The following PER3 variants were observed in gnomAD, a reference collection of about 807,000 sequenced individuals.
PER3 encodes the protein period circadian regulator 3, also known as period circadian protein homolog 3.
Under a neutral mutation model 127.2 loss-of-function variants are expected in PER3, and 107 were observed. The observed-to-expected ratio is 0.84, with a 90% CI of 0.72 to 0.99. PER3 has a LOEUF of 0.99. PER3 is among the 50% of genes least tolerant of loss of function. PER3 has a pLI of 0.00. For missense variants in PER3, 1,560 were observed against 1,525.8 expected, an observed-to-expected ratio of 1.02 and a Z score of -0.37; for synonymous variants, 618 against 585.8, an observed-to-expected ratio of 1.05 and a Z score of -0.79.
intron 5 of PER3, among the ~76,000 whole-genome samples, chr1:7,790,907 C>T (rs1406418625): frequency 6.6e-6 from 1 of 152,268 alleles, no homozygotes. Context: ...ACATCCAGGT[C>T]ATGCTGGTGC....
chr1:7,799,770 GTTGTT>G (rs1248098608), intron 7 of PER3, among the ~76,000 whole-genome samples: 2 of 151,794 alleles, frequency 1.3e-5, no homozygotes, highest in Non-Finnish European at 2.9e-5. Context: ...TTTTTTTGTT[GTTGTT>G]TTGCTTTGCT....
At chr1:7,816,651 C>T (rs1447298198) in intron 13 of PER3, among the ~76,000 whole-genome samples, 1,602 of 152,252 alleles carry the variant, frequency 0.011, 36 homozygotes, top group African/African-American at 0.036. Flanking sequence ...GTGAGAATGG[C>T]TAAGTTTTTT....
rs191148239 is a variant in PER3, at chr1:7,787,335, A to G, written c.390+499A>G. The G allele has an allele frequency of 3.5e-5, 9 of 254,976 alleles. No homozygotes were observed. In the East Asian group the frequency reaches 1.2e-3, roughly 33 times the overall value. 15.8% of individuals were successfully genotyped at this position (254,976 alleles called of 1,614,324 possible). ...ATCTCTCTTCTTGTTTGACAGAGTA[A>G]TCTTCATGTTTGGTTGATACGGTGG... On this transcript the variant is annotated intron_variant, in intron 4 of 21. Coordinates refer to ENST00000377532, the MANE Select transcript of PER3 (RefSeq NM_001377275.1).
At chr1:7,816,870 G>T (rs1032065176) in intron 13 of PER3, among the ~76,000 whole-genome samples, 2 of 152,186 alleles carry the variant, frequency 1.3e-5, no homozygotes, top group Admixed American at 6.5e-5. Flanking sequence ...ACCTGTACAT[G>T]AATATTTATT....
chr1:7,836,932 C>G (rs1389682253), intron 20 of PER3, 67 bp from the exon 21 acceptor site: 1 of 1,280,196 alleles, frequency 7.8e-7, no homozygotes, highest in Non-Finnish European at 1.1e-6. Context: ...AGTGCTATTC[C>G]TAGATGACGG....
intron 13 of PER3, among the ~76,000 whole-genome samples, chr1:7,815,422 AT>A (rs1257160535): frequency 2.4e-4 from 36 of 152,240 alleles, no homozygotes; most frequent in African/African-American, 7.5e-4. Context: ...GGGAAGCTGT[AT>A]TATTACACAA....
rs1187075026 is a variant in PER3, at chr1:7,826,753, T to C, written c.2188+43T>C. ...AATAAATGCCATTAATCTATGTAAA[T>C]GTTACAAACTGTATCTAAGGACTAG... On this transcript the variant is annotated intron_variant, in intron 17 of 21. Coordinates refer to ENST00000377532, the MANE Select transcript of PER3 (RefSeq NM_001377275.1). The surrounding 1 kb of genome is among the most constrained non-coding windows in gnomAD (Gnocchi z 4.2). 7.0e-6 allele frequency: 8 copies of C among 1,145,246 alleles called. No homozygotes were observed. The highest frequency in any genetic ancestry group is 4.9e-5 in the East Asian group (2 of 41,028). The allele number at this position is 1,145,246 out of a possible 1,614,324, so 70.9% of individuals were successfully genotyped here. A position where few individuals can be genotyped will look rare whatever the true frequency, so the allele number is the denominator to read the frequency against.
rs2097215163 is a variant in PER3 at position 7,810,593 on chromosome 1, GTCAGCCGGCAGCCCCAAGGATC to G, written c.1522+8_1522+29del. 6.2e-7 allele frequency: 1 copy of G among 1,604,552 alleles called. No individual in the cohort carries two copies. The highest frequency in any genetic ancestry group is 1.1e-5 in the South Asian group (1 of 89,366). ...GTGAGTCAGCGAATGGTGGTGGTGA[GTCAGCCGGCAGCCCCAAGGATC>G]TCCTTCCATGGGCTGTCACTCTCTG... On this transcript the variant is annotated splice_donor_region_variant and intron_variant, in intron 13 of 21. Coordinates refer to ENST00000377532, the MANE Select transcript of PER3 (RefSeq NM_001377275.1).
In PER3 at chr1:7,784,971, C is replaced by T. The variant is rs1437069601; in HGVS notation, c.94C>T (p.His32Tyr). 1.3e-6 allele frequency: 2 copies of T among 1,560,472 alleles called. No homozygotes were observed. The highest frequency in any genetic ancestry group is 4.2e-5 in the Admixed American group (2 of 47,104). The change falls in exon 2 of 22, where the codon CAT (histidine) becomes TAT (tyrosine). Residue 32 changes from histidine (H) to tyrosine (Y), a missense_variant. Around this residue, in one of 3 missense-constraint regions of PER3, gnomAD observed 1,332 missense variants for 1,223.6 expected, o/e 1.09. Coordinates refer to ENST00000377532, the MANE Select transcript of PER3 (RefSeq NM_001377275.1). ...ESGERWSPEF[H>Y]LQRKLADSSH... The stretch of plus-strand genomic sequence containing the variant: ...GGGGGAGCGGTGGAGCCCCGAGTTC[C>T]ATCTGCAGAGGAAATTGGCGGACAG...
At chr1:7,788,923 A>G (rs1009731803) in intron 5 of PER3, among the ~76,000 whole-genome samples, 22 of 150,128 alleles carry the variant, frequency 1.5e-4, no homozygotes, top group African/African-American at 5.4e-4. Context: ...AAAAAAAAAA[A>G]ATTCAGATCA....
chr1:7,840,354 G>T (rs2097379789), intron 21 of PER3, among the ~76,000 whole-genome samples: 1 of 148,662 alleles, frequency 6.7e-6, no homozygotes, highest in Non-Finnish European at 1.5e-5. Flanking sequence ...TTTAGACAAG[G>T]TCTCACTCTG....
At chr1:7,817,706 G>A (rs76510366) in intron 13 of PER3, among the ~76,000 whole-genome samples, 1,544 of 152,152 alleles carry the variant, frequency 0.01, 23 homozygotes, top group African/African-American at 0.035. Flanking sequence ...ACAGAGGGAT[G>A]GATAGACACG....
chr1:7,842,732 G>T lies in PER3; in HGVS notation c.3610G>T (p.Val1204Phe). 1 of 1,613,428 alleles carries T rather than the reference G, an allele frequency of 6.2e-7. No individual in the cohort carries two copies. The highest frequency in any genetic ancestry group is 8.5e-7 in the Non-Finnish European group (1 of 1,179,520). The change falls in exon 22 of 22, where the codon GTT (valine) becomes TTT (phenylalanine). Residue 1204 changes from valine to phenylalanine, a missense_variant. Physicochemically the swap from Val to Phe is conservative, Grantham distance 50 (BLOSUM62 -1). This residue lies in a region of PER3 where 199 missense variants were observed against 198.6 expected (regional missense o/e 1.00). Transcript: ENST00000377532. ...TGGTGCGGCCACATCCTGTGGTCAGGTTCTGGTAGAAGACAGCTGTTGAGT... is the reference window on the plus strand; with the variant it reads ...TGGTGCGGCCACATCCTGTGGTCAGTTTCTGGTAGAAGACAGCTGTTGAGT... ...ADGAATSCGQ[V>F]LVEDSC is the part of the protein sequence containing the mutation.
intron 20 of PER3, 135 bp from the exon 21 acceptor site, chr1:7,836,864 T>G (rs2097360994): frequency 1.8e-6 from 1 of 550,076 alleles, no homozygotes; most frequent in East Asian, 2.8e-5. Flanking sequence ...ATCTAGTTAT[T>G]TTTTTAATGT....
At chr1:7,820,780 G>T in intron 16 of PER3, 140 bp downstream of exon 16, 1 of 648,496 alleles carries the variant, frequency 1.5e-6, no homozygotes, top group South Asian at 2.3e-5. Context: ...TTCAGTTAAA[G>T]TATTTCTGGA....
intron 19 of PER3, 51 bp from the exon 20 acceptor site, chr1:7,835,711 C>A (rs368236603): frequency 3.7e-6 from 5 of 1,338,176 alleles, no homozygotes; most frequent in Admixed American, 3.7e-5. Flanking sequence ...GCCAGTTTGG[C>A]AAATCAGTCG....
In PER3 at chr1:7,788,234, T is replaced by C. The variant is rs777438003; in HGVS notation, c.580T>C (p.Trp194Arg). The change falls in exon 5 of 22, where the codon TGG becomes CGG. Residue 194 changes from tryptophan to arginine, a missense_variant. Transcript: ENST00000377532. Reference protein sequence around the residue: ...ARAQLPFWNNWTQRAAARYEC... With the variant: ...ARAQLPFWNNRTQRAAARYEC... ...AGCTCAGCTTCCTTTCTGGAACAAC[T>C]GGACCCAAAGAGGTAACAGGACCAA... 2.5e-6 allele frequency: 4 copies of C among 1,613,012 alleles called. No homozygotes were observed. Among genetic ancestry groups the C allele is most frequent in the Middle Eastern group, 1.7e-4 (1 of 6,058 alleles).
At chr1:7,827,863 A>C in intron 18 of PER3, 48 bp downstream of exon 18, 2 of 1,461,966 alleles carry the variant, frequency 1.4e-6, no homozygotes, top group Non-Finnish European at 9.4e-7. Context: ...TGAATATCTT[A>C]CTAAAGTTAA....
intron 10 of PER3, among the ~76,000 whole-genome samples, chr1:7,806,110 G>GACAGTAAATAA (rs2097191358): frequency 6.6e-6 from 1 of 152,162 alleles, no homozygotes; most frequent in Admixed American, 6.5e-5. Flanking sequence ...TAATGGGAGA[G>GACAGTAAATAA]ACAGTAAATA....
Sources: allele counts gnomAD v4.1 joint callset (sites outside exome capture counted in the v4.1 genomes callset), GRCh38; gene constraint gnomAD v4.1.1; regional missense constraint gnomAD v4.1.1; non-coding constraint Gnocchi (gnomAD v3.1); transcripts MANE v1.5; gene names NCBI Gene and HGNC (gene_info 2026-07-23, HGNC 2026-07-21).